The following GNG2 variants were observed in gnomAD, a reference collection of about 807,000 sequenced individuals.
The protein encoded by GNG2 is G protein subunit gamma 2.
In GNG2, 5 loss-of-function variants were observed where a neutral mutation model predicts 5.5. The observed-to-expected ratio is 0.91, with a 90% CI of 0.48 to 1.92. GNG2 has a LOEUF of 1.92. GNG2 is among the 30% of genes most tolerant of loss of function. The pLI is 0.01. For missense variants in GNG2, 55 were observed against 88.4 expected, an observed-to-expected ratio of 0.62 and a Z score of 1.52; for synonymous variants, 28 against 32.0, an observed-to-expected ratio of 0.88 and a Z score of 0.42.
At chr14:51,950,233 A>G (rs1489013556) in intron 2 of GNG2, among the ~76,000 whole-genome samples, 1 of 152,170 alleles carries the variant, frequency 6.6e-6, no homozygotes, top group African/African-American at 2.4e-5. Flanking sequence ...TTGTGACTCA[A>G]ACTTTAATTT....
chr14:51,966,417 A>T, intron 3 of GNG2, 142 bp from the exon 4 acceptor site: 1 of 710,854 alleles, frequency 1.4e-6, no homozygotes, highest in Non-Finnish European at 2.5e-6. Flanking sequence ...TTCTTTGCAG[A>T]TGAGGAAGCA....
chr14:51,907,277 C>A (rs1189546135), intron 2 of GNG2, among the ~76,000 whole-genome samples: 5 of 152,166 alleles, frequency 3.3e-5, no homozygotes, highest in Admixed American at 1.3e-4. Context: ...CTGATTCATT[C>A]AGACATTTTT....
At chr14:51,877,342 G>A (rs1883745929) in intron 1 of GNG2, among the ~76,000 whole-genome samples, 1 of 152,148 alleles carries the variant, frequency 6.6e-6, no homozygotes, top group African/African-American at 2.4e-5. Context: ...TTCCTAAGTG[G>A]CCTTTGTGTT....
chr14:51,907,681 T>TC (rs1886018622), intron 2 of GNG2, among the ~76,000 whole-genome samples: 1 of 152,242 alleles, frequency 6.6e-6, no homozygotes. Context: ...AGAAGTCTTT[T>TC]TTAAACCAAA....
chr14:51,908,366 A>G (rs1886068262), intron 2 of GNG2, among the ~76,000 whole-genome samples: 1 of 152,206 alleles, frequency 6.6e-6, no homozygotes, highest in Non-Finnish European at 1.5e-5. Context: ...TGTGAATACC[A>G]GGGCAGGGTT....
At chr14:51,827,956 G>T (rs539334675) in intron 2 of GNG2, 3 of 586,394 alleles carry the variant, frequency 5.1e-6, no homozygotes, top group Non-Finnish European at 9.1e-6. Flanking sequence ...AGCTGCGGAA[G>T]ATGAGAGAAT....
In GNG2 at chr14:51,902,692, G is replaced by C. The variant is rs141439721; in HGVS notation, c.-30+25035G>C. On this transcript the variant is annotated intron_variant, in intron 2 of 3. Coordinates refer to ENST00000556766, the MANE Select transcript of GNG2 (RefSeq NM_053064.5). ...AGATTGCTTGAATCCAAGAGTTCAA[G>C]ACCAGCCTGGACAACATAGAGAGAC... Among the ~76,000 whole-genome samples, 489 of 152,260 alleles carry C rather than the reference G, an allele frequency of 3.2e-3. 5 individuals are homozygous for C. Among genetic ancestry groups the C allele is most frequent in the African/African-American group, 0.011 (475 of 41,550 alleles).
chr14:51,848,018 TCACTC>T (rs1881718582), intron 2 of GNG2, among the ~76,000 whole-genome samples: 1 of 151,462 alleles, frequency 6.6e-6, no homozygotes, highest in Non-Finnish European at 1.5e-5. Context: ...CCTTCCCTCT[TCACTC>T]CACACTGCCC....
At chr14:51,898,049 T>C (rs1474632251) in intron 2 of GNG2, among the ~76,000 whole-genome samples, 1 of 152,200 alleles carries the variant, frequency 6.6e-6, no homozygotes, top group Non-Finnish European at 1.5e-5. Flanking sequence ...TTTATTTTAC[T>C]TTCCATCTAT....
At chr14:51,892,685 C>G (rs1021293317) in intron 2 of GNG2, among the ~76,000 whole-genome samples, 1 of 152,192 alleles carries the variant, frequency 6.6e-6, no homozygotes, top group Non-Finnish European at 1.5e-5. Context: ...TAGGAAGAAG[C>G]TCATTTCCCC....
rs565285419 is a variant in GNG2 at position 51,959,810 on chromosome 14, A to C, written c.88-6749A>C. 4.6e-5 allele frequency among the ~76,000 whole-genome samples: 7 copies of C among 152,184 alleles called. No individual in the cohort carries two copies. The East Asian group carries it at 7.7e-4, about 17-fold the overall frequency. On this transcript the variant is annotated intron_variant, in intron 3 of 3. Transcript: ENST00000556766. ...CCTACCATCACCAACACACTCTCTC[A>C]ATCCCCTTTACCCTGATCTACTTTT...
chr14:51,922,612 C>G (rs753760880), intron 2 of GNG2, among the ~76,000 whole-genome samples: 1 of 152,202 alleles, frequency 6.6e-6, no homozygotes, highest in Non-Finnish European at 1.5e-5. Context: ...ATTGCCCCTC[C>G]TTTGTCCCTA....
intron 2 of GNG2, among the ~76,000 whole-genome samples, chr14:51,908,037 A>G (rs1886039787): frequency 6.6e-6 from 1 of 152,230 alleles, no homozygotes; most frequent in African/African-American, 2.4e-5. Context: ...ATCTTCTAAT[A>G]GTTTTGTGGA....
In GNG2 at chr14:51,959,212, C is replaced by T. The variant is rs181172676; in HGVS notation, c.88-7347C>T. 2.0e-4 allele frequency among the ~76,000 whole-genome samples: 31 copies of T among 152,252 alleles called. No homozygotes were observed. The Middle Eastern group carries it at 0.02, about 100-fold the overall frequency. ...TAGTTCCCAAGGCTTAGTGTACCAT[C>T]TCTAGGACCTTGATTACCAAATTTA... On this transcript the variant is annotated intron_variant, in intron 3 of 3. Transcript: ENST00000556766.
chr14:51,966,525 C>T, intron 3 of GNG2, 34 bp from the exon 4 acceptor site: 1 of 1,603,034 alleles, frequency 6.2e-7, no homozygotes, highest in Non-Finnish European at 8.5e-7. Flanking sequence ...CTGTACCAGA[C>T]TCCAGTGTTG....
intron 3 of GNG2, among the ~76,000 whole-genome samples, chr14:51,960,380 A>G (rs1191366345): frequency 6.6e-6 from 1 of 151,712 alleles, no homozygotes; most frequent in Non-Finnish European, 1.5e-5. Flanking sequence ...GTGTTGATTT[A>G]TTCTACCTTC....
intron 1 of GNG2, among the ~76,000 whole-genome samples, chr14:51,875,196 C>G (rs1232804841): frequency 1.3e-5 from 2 of 152,146 alleles, no homozygotes; most frequent in Non-Finnish European, 2.9e-5. Flanking sequence ...ATGCAGGGAG[C>G]CAGGCTCCTT....
chr14:51,966,240 A>C (rs1187943987), intron 3 of GNG2, among the ~76,000 whole-genome samples: 1 of 150,200 alleles, frequency 6.7e-6, no homozygotes, highest in Non-Finnish European at 1.5e-5. Flanking sequence ...AAAAAAAACA[A>C]ATGAAGGAGA....
intron 2 of GNG2, among the ~76,000 whole-genome samples, chr14:51,917,854 T>C (rs1242158904): frequency 5.3e-5 from 8 of 151,966 alleles, no homozygotes; most frequent in African/African-American, 1.5e-4. Context: ...GTTGAAATCC[T>C]GTCTCTACTA....
Sources: allele counts gnomAD v4.1 joint callset (sites outside exome capture counted in the v4.1 genomes callset), GRCh38; gene constraint gnomAD v4.1.1; transcripts MANE v1.5; gene names NCBI Gene and HGNC (gene_info 2026-07-23, HGNC 2026-07-21).